DOCK10: variants seen among roughly 807,000 people sequenced by gnomAD.
DOCK10 encodes dedicator of cytokinesis protein 10.
In DOCK10, 145 loss-of-function variants were observed where a neutral mutation model predicts 280.1. The observed-to-expected ratio is 0.52, with a 90% CI of 0.45 to 0.59. The LOEUF (loss-of-function observed/expected upper bound fraction) is 0.59, where lower values mean the gene tolerates loss of function less well. Among genes scored for constraint, DOCK10 ranks in the 20% least tolerant of loss-of-function variants. The probability of loss-of-function intolerance (pLI) is 0.00; values close to 1 mark genes in which losing one functional copy is unlikely to be tolerated. For synonymous variants in DOCK10, 915 were observed against 942.2 expected (o/e 0.97, Z 0.53); for missense variants, 2,368 against 2,651.7 (o/e 0.89, Z 2.35).
In DOCK10 at chr2:225,042,303, G is replaced by A; in HGVS notation, c.72C>T (p.His24=). 7.4e-7 allele frequency: 1 copy of A among 1,356,090 alleles called. No homozygotes were observed. Among genetic ancestry groups the A allele is most frequent in the Non-Finnish European group, 9.5e-7 (1 of 1,050,446 alleles). 84.0% of individuals were successfully genotyped at this position (1,356,090 alleles called of 1,614,324 possible). ...LRPGQAAELR[H]SAASAAAVAV... is the part of the protein sequence containing the mutation. The stretch of plus-strand genomic sequence containing the variant: ...CCACCGCGGCGGCGGACGCGGCGCT[G>A]TGCCGGAGCTCGGCCGCCTGCCCAG... The change falls in exon 1 of 56, where the codon CAC becomes CAT. Residue 24 remains histidine, a synonymous_variant. Transcript: ENST00000258390. The surrounding 1 kb of genome is among the most constrained non-coding windows in gnomAD (Gnocchi z 5.1).
At position 224,806,355 on chromosome 2, in the gene DOCK10, C is replaced by T. The variant is rs1000377874; in HGVS notation, c.3703-118G>A. 14 of 567,578 alleles carry T rather than the reference C, an allele frequency of 2.5e-5. No homozygotes were observed. The African/African-American group carries it at 2.8e-4, about 11-fold the overall frequency. 35.2% of individuals were successfully genotyped at this position (567,578 alleles called of 1,614,324 possible). On this transcript the variant is annotated intron_variant, in intron 33 of 55. Transcript: ENST00000258390. Reference sequence around the variant, plus strand: ...TGATATTTAATTTGTTCTTTTATATCCCCTTACAGGTTTTCTGCTAAAGTA... The same window carrying T: ...TGATATTTAATTTGTTCTTTTATATTCCCTTACAGGTTTTCTGCTAAAGTA...
At chr2:224,876,644 T>C (rs1698649316) in intron 7 of DOCK10, among the ~76,000 whole-genome samples, 1 of 152,230 alleles carries the variant, frequency 6.6e-6, no homozygotes, top group African/African-American at 2.4e-5. Context: ...TATGTTGCCA[T>C]ACTATCTTAA....
intron 18 of DOCK10, among the ~76,000 whole-genome samples, chr2:224,850,082 C>T (rs1204562770): frequency 6.6e-6 from 1 of 152,184 alleles, no homozygotes; most frequent in Non-Finnish European, 1.5e-5. Context: ...CATTGACATA[C>T]TAAATCACAC....
chr2:224,984,580 A>C (rs1393821844), intron 1 of DOCK10, among the ~76,000 whole-genome samples: 1 of 152,086 alleles, frequency 6.6e-6, no homozygotes, highest in East Asian at 1.9e-4. Flanking sequence ...TCCAAGGATT[A>C]GTTTCTTTGG....
Position 224,798,215 on chromosome 2 carries a change from C to T in DOCK10, c.4507-246G>A, listed in dbSNP as rs1402137966. ...AGTAGTTGCTTTGGGGGTAGGATTA[C>T]TTCCATAGGGTAGTCAGCAAAGACC... On this transcript the variant is annotated intron_variant, in intron 41 of 55. Coordinates refer to ENST00000258390, the MANE Select transcript of DOCK10 (RefSeq NM_014689.3). Among the ~76,000 whole-genome samples the T allele has an allele frequency of 2.0e-5, 3 of 152,124 alleles. No individual in the cohort carries two copies. The East Asian group carries it at 5.8e-4, about 29-fold the overall frequency.
chr2:224,888,028 G>A (rs954964839), intron 4 of DOCK10, among the ~76,000 whole-genome samples: 1 of 152,130 alleles, frequency 6.6e-6, no homozygotes, highest in Non-Finnish European at 1.5e-5. Flanking sequence ...ATTAAAAATA[G>A]AACTAGCATA....
rs1262442408 is a variant in DOCK10, at chr2:224,885,651, G to A, written c.747+20C>T. 4 of 1,559,288 alleles carry A rather than the reference G, an allele frequency of 2.6e-6. No homozygotes were observed. Among genetic ancestry groups the A allele is most frequent in the Non-Finnish European group, 1.7e-6 (2 of 1,157,100 alleles). The stretch of plus-strand genomic sequence containing the variant: ...TCAAATAAAAAAAAATCCCAAGGAG[G>A]AAAAGGGATGTCTACTCACCTGCAC... On this transcript the variant is annotated intron_variant, in intron 7 of 55. Coordinates refer to ENST00000258390, the MANE Select transcript of DOCK10 (RefSeq NM_014689.3).
chr2:225,028,276 G>A (rs1689974464), intron 1 of DOCK10, among the ~76,000 whole-genome samples: 1 of 152,110 alleles, frequency 6.6e-6, no homozygotes. Flanking sequence ...CATCACCACT[G>A]GCTTTGAAGA....
At chr2:225,029,442 GA>G (rs1373424539) in intron 1 of DOCK10, among the ~76,000 whole-genome samples, 54 of 152,264 alleles carry the variant, frequency 3.5e-4, no homozygotes, top group Non-Finnish European at 1.0e-4. Flanking sequence ...ATAGTGCTGG[GA>G]TTACAGGCAT....
chr2:225,019,716 C>A (rs1007988630), intron 1 of DOCK10, among the ~76,000 whole-genome samples: 15 of 152,138 alleles, frequency 9.9e-5, no homozygotes, highest in African/African-American at 3.6e-4. Flanking sequence ...CAAACACTGC[C>A]CTTCACTCTG....
chr2:225,030,158 A>G (rs1228347007), intron 1 of DOCK10, among the ~76,000 whole-genome samples: 1 of 151,472 alleles, frequency 6.6e-6, no homozygotes, highest in Admixed American at 6.6e-5. Context: ...AAAAAAAAAA[A>G]AAAAAAGAAA....
chr2:224,870,490 T>C (rs930411785), intron 11 of DOCK10, among the ~76,000 whole-genome samples: 3 of 152,186 alleles, frequency 2.0e-5, no homozygotes, highest in Non-Finnish European at 4.4e-5. Context: ...GCTCTTGCCA[T>C]AGTCATCAAC....
At chr2:224,846,903 A>G (rs1559548855) in intron 19 of DOCK10, among the ~76,000 whole-genome samples, 2 of 152,184 alleles carry the variant, frequency 1.3e-5, no homozygotes, top group African/African-American at 4.8e-5. Context: ...GACACACTCA[A>G]TTGCAATCTG....
intron 14 of DOCK10, chr2:224,860,594 ACT>A (rs1697437910): frequency 1.3e-5 from 2 of 151,642 alleles, no homozygotes; most frequent in African/African-American, 4.8e-5. Flanking sequence ...ACAGGGTCTC[ACT>A]CTGTTGCCCA....
intron 1 of DOCK10, among the ~76,000 whole-genome samples, chr2:225,017,429 T>TGACAGA (rs375775002): frequency 6.8e-6 from 1 of 147,166 alleles, no homozygotes; most frequent in Admixed American, 6.7e-5. Context: ...AGACAGAGAT[T>TGACAGA]GAGAGAGAGA....
chr2:225,006,928 TG>T (rs1336078563), intron 1 of DOCK10, among the ~76,000 whole-genome samples: 10 of 152,200 alleles, frequency 6.6e-5, no homozygotes, highest in Non-Finnish European at 8.8e-5. Context: ...TGAGGTGTGC[TG>T]AGCCAACTCA....
chr2:224,988,187 G>T (rs1706023470), intron 1 of DOCK10, among the ~76,000 whole-genome samples: 1 of 152,138 alleles, frequency 6.6e-6, no homozygotes, highest in African/African-American at 2.4e-5. Flanking sequence ...AACGGGCATT[G>T]CTTCACAGCC....
chr2:225,001,608 T>C (rs1419243055), intron 1 of DOCK10, among the ~76,000 whole-genome samples: 2 of 152,206 alleles, frequency 1.3e-5, no homozygotes, highest in Non-Finnish European at 2.9e-5. Context: ...AGACTTTCTA[T>C]AATAGAGTTT....
chr2:224,852,512 A>G, intron 17 of DOCK10, 70 bp from the exon 18 acceptor site: 1 of 1,203,600 alleles, frequency 8.3e-7, no homozygotes, highest in Non-Finnish European at 1.2e-6. Context: ...CCAAGTGCCT[A>G]AAATAAGTAG....
Sources: gnomAD v4.1 joint callset for allele counts (sites outside exome capture counted in the v4.1 genomes callset) on GRCh38, gnomAD v4.1.1 for gene constraint, Gnocchi (gnomAD v3.1) non-coding constraint, MANE v1.5 for transcripts, NCBI Gene and HGNC (gene_info 2026-07-23, HGNC 2026-07-21) for gene names.